The following TMEM178B variants were observed in gnomAD, a reference collection of about 807,000 sequenced individuals.
TMEM178B encodes transmembrane protein 178B.
A neutral mutation model predicts 31.0 loss-of-function variants in TMEM178B; 5 were observed. The ratio of observed to expected loss-of-function variants is 0.16; its 90% CI spans 0.08 to 0.34. The LOEUF (loss-of-function observed/expected upper bound fraction) is 0.34. Ranked by LOEUF, TMEM178B falls within the 10% of genes least tolerant of loss-of-function variation. The pLI, the probability that TMEM178B is intolerant of heterozygous loss-of-function variation, is 1.00. For missense variants in TMEM178B, 275 were observed against 400.3 expected, an observed-to-expected ratio of 0.69 and a Z score of 2.67; for synonymous variants, 164 against 164.0, an observed-to-expected ratio of 1.00 and a Z score of 0.00.
chr7:141,266,919 C>G (rs937835584), intron 2 of TMEM178B, among the ~76,000 whole-genome samples: 18 of 152,288 alleles, frequency 1.2e-4, no homozygotes, highest in African/African-American at 4.3e-4. Flanking sequence ...GTGGCTGGCC[C>G]AGATTGTTTC....
the TMEM178B span, among the ~76,000 whole-genome samples, chr7:141,491,932 C>G: frequency 2.0e-5 from 3 of 152,180 alleles, no homozygotes; most frequent in Admixed American, 6.5e-5. Flanking sequence ...CCACACCCTC[C>G]CATTCAGTCT....
intron 2 of TMEM178B, among the ~76,000 whole-genome samples, chr7:141,255,721 A>G (rs1051945364): frequency 6.6e-6 from 1 of 151,738 alleles, no homozygotes; most frequent in African/African-American, 2.4e-5. Flanking sequence ...ATTGTCCCCG[A>G]CCCCTGCCTT....
intron 2 of TMEM178B, among the ~76,000 whole-genome samples, chr7:141,411,629 G>A (rs903216920): frequency 6.6e-6 from 1 of 152,154 alleles, no homozygotes; most frequent in East Asian, 1.9e-4. Flanking sequence ...AAAAATCATC[G>A]TGTTTGTTTG....
At chr7:141,187,391 G>A (rs1032071964) in intron 1 of TMEM178B, among the ~76,000 whole-genome samples, 9 of 152,004 alleles carry the variant, frequency 5.9e-5, no homozygotes, top group South Asian at 4.2e-4. Context: ...GAATAGTGCC[G>A]CTATAAACAT....
intron 2 of TMEM178B, among the ~76,000 whole-genome samples, chr7:141,413,877 TAA>T (rs1382581281): frequency 3.9e-5 from 6 of 152,286 alleles, no homozygotes; most frequent in Admixed American, 2.6e-4. Context: ...CAGAAAACGA[TAA>T]AGAGGAATAA....
At chr7:141,425,174 C>G (rs771180459) in intron 2 of TMEM178B, among the ~76,000 whole-genome samples, 3 of 152,218 alleles carry the variant, frequency 2.0e-5, no homozygotes, top group African/African-American at 2.4e-5. Flanking sequence ...TCCTATTTAT[C>G]TTCCCCTTTC....
At chr7:141,445,215 C>A (rs1351732825) in intron 3 of TMEM178B, among the ~76,000 whole-genome samples, 1 of 152,122 alleles carries the variant, frequency 6.6e-6, no homozygotes, top group African/African-American at 2.4e-5. Context: ...CCAAGCTCAC[C>A]AGAGAGCAGT....
chr7:141,470,818 AAAT>A lies in TMEM178B; in HGVS notation c.*34_*36del. On this transcript the variant is annotated 3_prime_UTR_variant, in exon 4 of 4. Transcript: ENST00000565468. ...AACCCATACATACATATATATATATAAATATATATATATAATATACATATATAA... is the reference window on the plus strand; with the variant it reads ...AACCCATACATACATATATATATATAATATATATATAATATACATATATAA... 6.1e-6 allele frequency: 6 copies of A among 991,380 alleles called. No homozygotes were observed. Among genetic ancestry groups the A allele is most frequent in the East Asian group, 4.5e-5 (1 of 22,438 alleles). 61.4% of individuals were successfully genotyped at this position (991,380 alleles called of 1,614,324 possible).
At chr7:141,356,653 G>C (rs543519429) in intron 2 of TMEM178B, among the ~76,000 whole-genome samples, 19 of 151,198 alleles carry the variant, frequency 1.3e-4, no homozygotes, top group African/African-American at 3.4e-4. Context: ...GGGTTGGGCG[G>C]GGGGGTGGTC....
chr7:141,113,438 G>A (rs1045469607), intron 1 of TMEM178B, among the ~76,000 whole-genome samples: 2 of 152,216 alleles, frequency 1.3e-5, no homozygotes, highest in Non-Finnish European at 2.9e-5. Context: ...AGGCATGGAA[G>A]GTTCAGGTGA....
chr7:141,208,584 C>T, intron 1 of TMEM178B, among the ~76,000 whole-genome samples: 1 of 152,194 alleles, frequency 6.6e-6, no homozygotes, highest in East Asian at 1.9e-4. Context: ...TGCTTGCAAT[C>T]CCCCAGGCAA....
rs980574753 is a variant in TMEM178B, at chr7:141,376,889, A to G, written c.497-60719A>G. 2.3e-3 allele frequency among the ~76,000 whole-genome samples: 357 copies of G among 152,314 alleles called. 5 individuals carry two copies. The highest frequency in any genetic ancestry group is 9.1e-4 in the Non-Finnish European group (62 of 68,024). On this transcript the variant is annotated intron_variant, in intron 2 of 3. Coordinates refer to ENST00000565468, the MANE Select transcript of TMEM178B (RefSeq NM_001195278.2). ...TAAATTGGAGAGAAATTTGAATATG[A>G]TAAAAGTATTAGATGATGTGAAAAT... is the stretch of plus-strand genomic sequence containing the variant.
chr7:141,224,687 G>A (rs1010251150), intron 2 of TMEM178B, among the ~76,000 whole-genome samples: 1 of 152,224 alleles, frequency 6.6e-6, no homozygotes, highest in African/African-American at 2.4e-5. Context: ...AGTTCCCTGG[G>A]AAGTGGACTC....
chr7:141,160,021 T>C (rs866870508), intron 1 of TMEM178B, among the ~76,000 whole-genome samples: 101 of 145,540 alleles, frequency 6.9e-4, no homozygotes, highest in African/African-American at 2.4e-3. Flanking sequence ...ATATAATATA[T>C]ATAATTTAGA....
chr7:141,318,503 C>T lies in TMEM178B; in HGVS notation c.496+105799C>T, dbSNP rs895996590. On this transcript the variant is annotated intron_variant, in intron 2 of 3. Coordinates refer to ENST00000565468, the MANE Select transcript of TMEM178B (RefSeq NM_001195278.2). The surrounding 1 kb of genome is among the most constrained non-coding windows in gnomAD (Gnocchi z 4.1). ...ATACGTGTTTTATCTGATTTTAAAACTTTTCACTCACACTAAGGTAAATAC... is the reference window on the plus strand; with the variant it reads ...ATACGTGTTTTATCTGATTTTAAAATTTTTCACTCACACTAAGGTAAATAC... Among the ~76,000 whole-genome samples, 3 of 152,284 alleles carry T rather than the reference C, an allele frequency of 2.0e-5. No individual in the cohort carries two copies. Among genetic ancestry groups the T allele is most frequent in the African/African-American group, 4.8e-5 (2 of 41,556 alleles).
chr7:141,377,373 G>A (rs1308447525), intron 2 of TMEM178B, among the ~76,000 whole-genome samples: 2 of 151,778 alleles, frequency 1.3e-5, no homozygotes, highest in African/African-American at 4.8e-5. Context: ...TAGCAGGGAC[G>A]GGGTTTCACC....
At chr7:141,222,853 T>G (rs997087333) in intron 2 of TMEM178B, among the ~76,000 whole-genome samples, 1 of 151,778 alleles carries the variant, frequency 6.6e-6, no homozygotes, top group African/African-American at 2.4e-5. Context: ...GTGAAAGGAG[T>G]TTCAGGGCAG....
At chr7:141,382,317 C>T (rs1170809508) in intron 2 of TMEM178B, among the ~76,000 whole-genome samples, 1 of 152,198 alleles carries the variant, frequency 6.6e-6, no homozygotes, top group Non-Finnish European at 1.5e-5. Flanking sequence ...TGCCAGGCAT[C>T]ACTGTAGGCA....
At chr7:141,180,463 C>CAAAAA (rs57969132) in intron 1 of TMEM178B, among the ~76,000 whole-genome samples, 49 of 83,194 alleles carry the variant, frequency 5.9e-4, no homozygotes, top group Non-Finnish European at 9.9e-4. Flanking sequence ...GAGCCCATCT[C>CAAAAA]AAAAAAAAAA....
Sources: allele counts gnomAD v4.1 joint callset (sites outside exome capture counted in the v4.1 genomes callset), GRCh38; gene constraint gnomAD v4.1.1; non-coding constraint Gnocchi (gnomAD v3.1); transcripts MANE v1.5; gene names NCBI Gene and HGNC (gene_info 2026-07-23, HGNC 2026-07-21).